Variants in CNTNAP2 observed in about 807,000 individuals in gnomAD.
CNTNAP2 encodes the protein contactin associated protein 2, also known as contactin-associated protein-like 2.
In CNTNAP2, 98 loss-of-function variants were observed where a neutral mutation model predicts 155.2. The ratio of observed to expected loss-of-function variants is 0.63; its 90% CI spans 0.54 to 0.75. CNTNAP2 has a LOEUF of 0.75. Among genes scored for constraint, CNTNAP2 ranks in the 30% least tolerant of loss-of-function variants. CNTNAP2 has a pLI of 0.00. For missense variants in CNTNAP2, 1,727 were observed against 1,688.1 expected, an observed-to-expected ratio of 1.02 and a Z score of -0.40; for synonymous variants, 651 against 631.2, an observed-to-expected ratio of 1.03 and a Z score of -0.47.
intron 3 of CNTNAP2, among the ~76,000 whole-genome samples, chr7:146,926,283 A>G (rs941426772): frequency 6.6e-6 from 1 of 152,016 alleles, no homozygotes; most frequent in Non-Finnish European, 1.5e-5. Flanking sequence ...CATTGACAAT[A>G]TAACAAAAAT....
At chr7:147,053,458 A>G (rs1025510298) in intron 4 of CNTNAP2, among the ~76,000 whole-genome samples, 3 of 152,120 alleles carry the variant, frequency 2.0e-5, no homozygotes, top group African/African-American at 7.2e-5. Context: ...ATTGGCAGCT[A>G]GCTTATATTT....
At chr7:147,561,434 G>A (rs1800062075) in intron 11 of CNTNAP2, among the ~76,000 whole-genome samples, 1 of 152,144 alleles carries the variant, frequency 6.6e-6, no homozygotes, top group African/African-American at 2.4e-5. Context: ...TTGTACTTCT[G>A]AAAACAGGTG....
intron 3 of CNTNAP2, among the ~76,000 whole-genome samples, chr7:147,001,185 TATGACAAGGTA>T (rs1288895664): frequency 6.6e-6 from 1 of 152,110 alleles, no homozygotes; most frequent in African/African-American, 2.4e-5. Context: ...ATTATTGTGC[TATGACAAGGTA>T]CAGTCATCTT....
At chr7:146,691,330 G>C (rs948367859) in intron 1 of CNTNAP2, among the ~76,000 whole-genome samples, 5 of 151,578 alleles carry the variant, frequency 3.3e-5, no homozygotes, top group Non-Finnish European at 7.4e-5. Flanking sequence ...ATTGTATGTT[G>C]AAAGCAATGT....
intron 15 of CNTNAP2, among the ~76,000 whole-genome samples, chr7:148,084,757 G>T (rs1027605923): frequency 6.6e-6 from 1 of 152,190 alleles, no homozygotes; most frequent in Non-Finnish European, 1.5e-5. Context: ...GGGCTGGGAA[G>T]TGCTCTTATT....
chr7:146,734,183 T>C (rs1365211055), intron 1 of CNTNAP2, among the ~76,000 whole-genome samples: 5 of 152,134 alleles, frequency 3.3e-5, no homozygotes, highest in Admixed American at 3.3e-4. Flanking sequence ...GACAAATTCA[T>C]AGGCTGGCAG....
At chr7:148,389,391 G>C (rs909556206) in intron 22 of CNTNAP2, among the ~76,000 whole-genome samples, 1 of 152,120 alleles carries the variant, frequency 6.6e-6, no homozygotes, top group South Asian at 2.1e-4. Flanking sequence ...TGCCATCCAT[G>C]TAAGACATGA....
chr7:146,753,040 T>C (rs1801933130), intron 1 of CNTNAP2, among the ~76,000 whole-genome samples: 1 of 152,156 alleles, frequency 6.6e-6, no homozygotes, highest in Non-Finnish European at 1.5e-5. Context: ...TTTTATGGAT[T>C]CAAGTTGTGC....
At position 148,356,150 on chromosome 7, in the gene CNTNAP2, T is replaced by A. The variant is rs539377730; in HGVS notation, c.3476-27499T>A. ...TTCCTATTTAAGACACAGCTTAAAA[T>A]AATTAAAAAGAAATCATCACATAGT... On this transcript the variant is annotated intron_variant, in intron 21 of 23. Coordinates refer to ENST00000361727, the MANE Select transcript of CNTNAP2 (RefSeq NM_014141.6). Among the ~76,000 whole-genome samples, 344 of 152,270 alleles carry A rather than the reference T, an allele frequency of 2.3e-3. 3 individuals are homozygous for A. The highest frequency in any genetic ancestry group is 7.4e-3 in the African/African-American group (309 of 41,536).
chr7:146,849,698 C>G (rs28502148), intron 3 of CNTNAP2, among the ~76,000 whole-genome samples: 5,580 of 152,154 alleles, frequency 0.037, 338 homozygotes, highest in African/African-American at 0.13. Context: ...GAACAATGCC[C>G]CATAAATATA....
At chr7:147,048,305 T>C (rs1799407198) in intron 4 of CNTNAP2, among the ~76,000 whole-genome samples, 1 of 152,006 alleles carries the variant, frequency 6.6e-6, no homozygotes, top group Admixed American at 6.6e-5. Flanking sequence ...GTGAACACCT[T>C]GGAACCAGAG....
intron 2 of CNTNAP2, among the ~76,000 whole-genome samples, chr7:146,775,391 G>A (rs1802372244): frequency 6.6e-6 from 1 of 152,044 alleles, no homozygotes; most frequent in African/African-American, 2.4e-5. Flanking sequence ...CAATACATAT[G>A]TCAAAACACC....
At chr7:147,065,428 A>G (rs1190843179) in intron 4 of CNTNAP2, among the ~76,000 whole-genome samples, 1 of 152,166 alleles carries the variant, frequency 6.6e-6, no homozygotes. Context: ...AACTATTCAG[A>G]AATTGGGGCA....
chr7:147,800,571 T>C (rs1797968525), intron 13 of CNTNAP2, among the ~76,000 whole-genome samples: 1 of 152,104 alleles, frequency 6.6e-6, no homozygotes, highest in African/African-American at 2.4e-5. Flanking sequence ...CCATGAGCCT[T>C]AGTCTATCAT....
intron 5 of CNTNAP2, 67 bp downstream of exon 5, chr7:147,108,417 G>C: frequency 2.3e-6 from 3 of 1,327,638 alleles, no homozygotes; most frequent in Non-Finnish European, 3.1e-6. Flanking sequence ...TGTTCATGTT[G>C]CTCAATTCTT....
At chr7:146,883,793 A>G (rs995270330) in intron 3 of CNTNAP2, among the ~76,000 whole-genome samples, 7 of 152,132 alleles carry the variant, frequency 4.6e-5, no homozygotes, top group East Asian at 1.9e-4. Flanking sequence ...AGTTTCTCCA[A>G]TTTCTCCAAA....
chr7:147,439,500 A>T (rs1019101781), intron 10 of CNTNAP2, among the ~76,000 whole-genome samples: 2 of 151,962 alleles, frequency 1.3e-5, no homozygotes, highest in African/African-American at 4.8e-5. Context: ...GTGACCTAAC[A>T]TATGGTCAAT....
intron 1 of CNTNAP2, among the ~76,000 whole-genome samples, chr7:146,765,331 A>C (rs1585079860): frequency 1.3e-5 from 2 of 152,314 alleles, no homozygotes; most frequent in East Asian, 3.9e-4. Flanking sequence ...AGTGAAGTAG[A>C]TCTATGTGTA....
At chr7:147,716,482 G>GCTCC (rs1375368631) in intron 13 of CNTNAP2, among the ~76,000 whole-genome samples, 1 of 152,214 alleles carries the variant, frequency 6.6e-6, no homozygotes, top group East Asian at 1.9e-4. Flanking sequence ...ATTTCTGGCA[G>GCTCC]CTCCCACCCT....
Sources: gnomAD v4.1 joint callset for allele counts (sites outside exome capture counted in the v4.1 genomes callset) on GRCh38, gnomAD v4.1.1 for gene constraint, MANE v1.5 for transcripts, NCBI Gene and HGNC (gene_info 2026-07-23, HGNC 2026-07-21) for gene names.